The following GABRG3 variants were observed in gnomAD, a reference collection of about 807,000 sequenced individuals.
The protein encoded by GABRG3 is gamma-aminobutyric acid type A receptor subunit gamma3, also known as gamma-aminobutyric acid receptor subunit gamma-3.
Under a neutral mutation model 48.8 loss-of-function variants are expected in GABRG3, and 25 were observed. The ratio of observed to expected loss-of-function variants is 0.51; its 90% CI spans 0.37 to 0.72. GABRG3 has a LOEUF of 0.72. Among genes scored for constraint, GABRG3 ranks in the 30% least tolerant of loss-of-function variants. The pLI is 0.00. For missense variants in GABRG3, 394 were observed against 577.9 expected, an observed-to-expected ratio of 0.68 and a Z score of 3.26; for synonymous variants, 227 against 217.6, an observed-to-expected ratio of 1.04 and a Z score of -0.38.
chr15:27,532,427 C>CAAAAA (rs374534463), intron 9 of GABRG3, among the ~76,000 whole-genome samples, 173 bp from the exon 10 acceptor site: 130 of 74,638 alleles, frequency 1.7e-3, no homozygotes, highest in African/African-American at 5.7e-3. Flanking sequence ...TCCTTAAAAC[C>CAAAAA]AAAAAAAAAA....
At chr15:27,526,876 A>G (rs916013349) in intron 7 of GABRG3, among the ~76,000 whole-genome samples, 4 of 152,178 alleles carry the variant, frequency 2.6e-5, no homozygotes, top group Non-Finnish European at 5.9e-5. Context: ...CACACAATCT[A>G]TCTAGGAGAC....
chr15:27,512,932 C>T (rs73369595), intron 6 of GABRG3, among the ~76,000 whole-genome samples: 8,068 of 152,130 alleles, frequency 0.053, 717 homozygotes, highest in African/African-American at 0.18. Flanking sequence ...AAAGACAAAA[C>T]GTAAAACACT....
rs143285068 is a variant in GABRG3, at chr15:27,204,260, G to T, written c.271-122549G>T. 1.0e-3 allele frequency among the ~76,000 whole-genome samples: 159 copies of T among 152,162 alleles called. No homozygotes were observed. The East Asian group carries it at 0.024, about 23-fold the overall frequency. The stretch of plus-strand genomic sequence containing the variant: ...CAAAGGGGTCCAGTTTCAATCTTCT[G>T]CATGTGGCTAGCAAGTTATCCTAAC... On this transcript the variant is annotated intron_variant, in intron 3 of 9. Coordinates refer to ENST00000615808, the MANE Select transcript of GABRG3 (RefSeq NM_033223.5).
intron 3 of GABRG3, among the ~76,000 whole-genome samples, chr15:27,126,705 G>T (rs1215228276): frequency 3.3e-5 from 5 of 152,228 alleles, no homozygotes; most frequent in Non-Finnish European, 7.3e-5. Context: ...GAGCCACTGG[G>T]CAATAATGCT....
At chr15:27,347,525 G>C (rs528602456) in intron 5 of GABRG3, among the ~76,000 whole-genome samples, 1 of 152,308 alleles carries the variant, frequency 6.6e-6, no homozygotes, top group African/African-American at 2.4e-5. Context: ...GACTGGGAGG[G>C]ATAAGGCTCT....
At chr15:27,056,353 C>CAAAA (rs58665097) in intron 3 of GABRG3, among the ~76,000 whole-genome samples, 5 of 57,056 alleles carry the variant, frequency 8.8e-5, no homozygotes, top group East Asian at 4.0e-4. Context: ...ACCCTGTCTC[C>CAAAA]AAAAAAAAAA....
chr15:27,501,353 A>G (rs1192656012), intron 6 of GABRG3, among the ~76,000 whole-genome samples: 1 of 152,182 alleles, frequency 6.6e-6, no homozygotes, highest in Non-Finnish European at 1.5e-5. Context: ...TAACCAGAAC[A>G]GACTCTTTTC....
chr15:27,167,702 C>T (rs1887426096), intron 3 of GABRG3, among the ~76,000 whole-genome samples: 1 of 152,198 alleles, frequency 6.6e-6, no homozygotes, highest in African/African-American at 2.4e-5. Flanking sequence ...GCTAGGCCTC[C>T]CAGCTCTGCA....
At chr15:27,200,005 C>A (rs992096924) in intron 3 of GABRG3, among the ~76,000 whole-genome samples, 7 of 151,756 alleles carry the variant, frequency 4.6e-5, no homozygotes, top group African/African-American at 1.7e-4. Flanking sequence ...CTCTTCCTAG[C>A]TTTCTCCTTT....
At chr15:26,998,132 G>A (rs72715919) in intron 2 of GABRG3, among the ~76,000 whole-genome samples, 12,746 of 152,238 alleles carry the variant, frequency 0.084, 646 homozygotes, top group Middle Eastern at 0.19. Flanking sequence ...TGTGATTCCA[G>A]GAGAGCTTTT....
In GABRG3 at chr15:27,236,740, G is replaced by A. The variant is rs1236245722; in HGVS notation, c.271-90069G>A. 6.6e-6 allele frequency among the ~76,000 whole-genome samples: 1 copy of A among 152,206 alleles called. No homozygotes were observed. Among genetic ancestry groups the A allele is most frequent in the Non-Finnish European group, 1.5e-5 (1 of 68,042 alleles). On this transcript the variant is annotated intron_variant, in intron 3 of 9. Coordinates refer to ENST00000615808, the MANE Select transcript of GABRG3 (RefSeq NM_033223.5). The surrounding 1 kb of genome is among the most constrained non-coding windows in gnomAD (Gnocchi z 4.4). ...CTCTGCTTCACCGTTTGACATCAGA[G>A]GGCCAAAAACTCTATCCTCGGATCA...
chr15:27,194,532 G>A (rs867154719), intron 3 of GABRG3, among the ~76,000 whole-genome samples: 9 of 152,142 alleles, frequency 5.9e-5, no homozygotes, highest in African/African-American at 1.7e-4. Context: ...TCTACTAAAT[G>A]TAGAATTCAT....
intron 6 of GABRG3, among the ~76,000 whole-genome samples, chr15:27,510,662 TA>T (rs1890875457): frequency 6.6e-6 from 1 of 152,226 alleles, no homozygotes; most frequent in Admixed American, 6.5e-5. Context: ...GTTACTGAAT[TA>T]TATTATATTT....
intron 3 of GABRG3, among the ~76,000 whole-genome samples, chr15:27,265,828 G>A (rs1013317871): frequency 6.7e-6 from 1 of 148,510 alleles, no homozygotes; most frequent in African/African-American, 2.5e-5. Context: ...CATGCTTTTG[G>A]TGTTTTATCT....
At chr15:27,225,305 C>T (rs1457782077) in intron 3 of GABRG3, among the ~76,000 whole-genome samples, 2 of 152,076 alleles carry the variant, frequency 1.3e-5, no homozygotes, top group African/African-American at 4.8e-5. Flanking sequence ...AGACACCGCC[C>T]TGCAGGTAGC....
intron 3 of GABRG3, among the ~76,000 whole-genome samples, chr15:27,141,974 T>G (rs754041423): frequency 5.3e-5 from 8 of 152,244 alleles, no homozygotes; most frequent in Non-Finnish European, 1.0e-4. Context: ...TATTTCAGTT[T>G]ATAATCCTTT....
At chr15:27,327,100 A>G in intron 4 of GABRG3, 71 bp downstream of exon 4, 1 of 1,296,292 alleles carries the variant, frequency 7.7e-7, no homozygotes, top group South Asian at 1.3e-5. Flanking sequence ...CACTGTAGGA[A>G]TGAGACCCTA....
chr15:27,324,436 C>T (rs1298020634), intron 3 of GABRG3, among the ~76,000 whole-genome samples: 1 of 152,214 alleles, frequency 6.6e-6, no homozygotes, highest in South Asian at 2.1e-4. Flanking sequence ...AGCTCTAATT[C>T]TTTCCCTAGG....
chr15:27,031,087 C>T (rs1896078314), intron 3 of GABRG3, among the ~76,000 whole-genome samples: 1 of 147,836 alleles, frequency 6.8e-6, no homozygotes, highest in Non-Finnish European at 1.5e-5. Context: ...CACACACACA[C>T]ATACAACACA....
Sources: gnomAD v4.1 joint callset for allele counts (sites outside exome capture counted in the v4.1 genomes callset) on GRCh38, gnomAD v4.1.1 for gene constraint, Gnocchi (gnomAD v3.1) non-coding constraint, MANE v1.5 for transcripts, NCBI Gene and HGNC (gene_info 2026-07-23, HGNC 2026-07-21) for gene names.